ATAD2B: variants seen among roughly 807,000 people sequenced by gnomAD.
ATAD2B encodes the protein ATPase family AAA domain-containing protein 2B.
A neutral mutation model predicts 167.6 loss-of-function variants in ATAD2B; 40 were observed. The ratio of observed to expected loss-of-function variants is 0.24; its 90% CI spans 0.19 to 0.31. ATAD2B has a LOEUF of 0.31. ATAD2B is among the 10% of genes least tolerant of loss of function. The pLI is 1.00. For missense variants in ATAD2B, 1,242 were observed against 1,757.2 expected, an observed-to-expected ratio of 0.71 and a Z score of 5.24; for synonymous variants, 579 against 596.5, an observed-to-expected ratio of 0.97 and a Z score of 0.43.
At chr2:23,905,446 C>T (rs1165322231) in intron 1 of ATAD2B, among the ~76,000 whole-genome samples, 1 of 152,126 alleles carries the variant, frequency 6.6e-6, no homozygotes, top group Non-Finnish European at 1.5e-5. Context: ...ATCGCTTGAG[C>T]CAGGGAGGTC....
At position 23,749,743 on chromosome 2, in the gene ATAD2B, G is replaced by A. The variant is rs1034066183; in HGVS notation, c.*2303C>T. On this transcript the variant is annotated 3_prime_UTR_variant, in exon 28 of 28. Transcript: ENST00000238789. Reference sequence around the variant, plus strand: ...AAAAACAAACAAACAAAAGCAACTTGATCTTTTGGAAGCATTTTAATGCTG... The same window carrying A: ...AAAAACAAACAAACAAAAGCAACTTAATCTTTTGGAAGCATTTTAATGCTG... 2.0e-5 allele frequency: 3 copies of A among 152,024 alleles called. No individual in the cohort carries two copies. Among genetic ancestry groups the A allele is most frequent in the Admixed American group, 6.6e-5 (1 of 15,254 alleles). 9.4% of individuals were successfully genotyped at this position (152,024 alleles called of 1,614,324 possible).
Position 23,908,142 on chromosome 2 carries a change from G to T in ATAD2B, c.217-12172C>A, listed in dbSNP as rs1166956559. Reference sequence around the variant, plus strand: ...AACAAAAGACAAAATTGACAAATGGGATCTAATTAAACTAAAGAGCTTCTG... The same window carrying T: ...AACAAAAGACAAAATTGACAAATGGTATCTAATTAAACTAAAGAGCTTCTG... On this transcript the variant is annotated intron_variant, in intron 1 of 27. Transcript: ENST00000238789. 2.0e-5 allele frequency among the ~76,000 whole-genome samples: 3 copies of T among 152,170 alleles called. No homozygotes were observed. The Middle Eastern group carries it at 0.01, about 518-fold the overall frequency.
chr2:23,789,251 T>C (rs1681289313), intron 19 of ATAD2B, among the ~76,000 whole-genome samples: 1 of 152,130 alleles, frequency 6.6e-6, no homozygotes, highest in Non-Finnish European at 1.5e-5. Flanking sequence ...CCTCTTCTGT[T>C]TACCTACTCA....
At chr2:23,766,091 T>A (rs965242800) in intron 22 of ATAD2B, among the ~76,000 whole-genome samples, 1 of 152,146 alleles carries the variant, frequency 6.6e-6, no homozygotes, top group Non-Finnish European at 1.5e-5. Context: ...TAAAGGTGAC[T>A]TATTTTTTTT....
Position 23,750,819 on chromosome 2 carries a change from T to C in ATAD2B, c.*1227A>G, listed in dbSNP as rs1327023296. ...ATAATTAATTTCAGATACATACAAT[T>C]CACAGAAATCACTCAACAAGATTCA... On this transcript the variant is annotated 3_prime_UTR_variant, in exon 28 of 28. Coordinates refer to ENST00000238789, the MANE Select transcript of ATAD2B (RefSeq NM_017552.4). The C allele has an allele frequency of 6.6e-6, 1 of 152,138 alleles. No individual in the cohort carries two copies. Among genetic ancestry groups the C allele is most frequent in the Non-Finnish European group, 1.5e-5 (1 of 68,002 alleles). 9.4% of individuals were successfully genotyped at this position (152,138 alleles called of 1,614,324 possible).
intron 7 of ATAD2B, 109 bp from the exon 8 acceptor site, chr2:23,876,013 G>T: frequency 1.2e-6 from 1 of 836,256 alleles, no homozygotes; most frequent in Non-Finnish European, 1.9e-6. Flanking sequence ...GTTGTTTTTT[G>T]AGACAGAGTC....
At chr2:23,733,142 T>C in the ATAD2B span, among the ~76,000 whole-genome samples, 3 of 152,354 alleles carry the variant, frequency 2.0e-5, no homozygotes, top group South Asian at 6.2e-4. Context: ...TGCTCAGTTT[T>C]TTCACTTTTA....
intron 24 of ATAD2B, among the ~76,000 whole-genome samples, 198 bp from the exon 25 acceptor site, chr2:23,758,299 G>A (rs533850397): frequency 6.6e-6 from 1 of 152,280 alleles, no homozygotes; most frequent in East Asian, 1.9e-4. Context: ...GATGAACTCT[G>A]CAGAATAAAA....
rs1476581668 is a variant in ATAD2B at position 23,748,680 on chromosome 2, T to C, written c.*3366A>G. ...AGAAAGACATGTTTTTCTTGTCATC[T>C]TTATTCAAGTATTTCACAGCAGTTA... On this transcript the variant is annotated 3_prime_UTR_variant, in exon 28 of 28. Coordinates refer to ENST00000238789, the MANE Select transcript of ATAD2B (RefSeq NM_017552.4). 6.6e-6 allele frequency: 1 copy of C among 152,230 alleles called. No homozygotes were observed. Among genetic ancestry groups the C allele is most frequent in the Non-Finnish European group, 1.5e-5 (1 of 68,022 alleles). 9.4% of individuals were successfully genotyped at this position (152,230 alleles called of 1,614,324 possible). A position where few individuals can be genotyped will look rare whatever the true frequency, so the allele number is the denominator to read the frequency against.
chr2:23,770,435 A>G (rs1024266162), intron 22 of ATAD2B, among the ~76,000 whole-genome samples: 1 of 152,180 alleles, frequency 6.6e-6, no homozygotes, highest in Non-Finnish European at 1.5e-5. Context: ...TCTTATGTCC[A>G]TTATTTAAAT....
chr2:23,701,793 C>CTTTCTT, the ATAD2B span, among the ~76,000 whole-genome samples: 6 of 22,544 alleles, frequency 2.7e-4, no homozygotes, highest in African/African-American at 7.2e-4. Context: ...CTTTTTTTTG[C>CTTTCTT]TTTTTTTTTT....
chr2:23,761,016 A>AT (rs1323944724), intron 24 of ATAD2B, among the ~76,000 whole-genome samples: 1 of 152,236 alleles, frequency 6.6e-6, no homozygotes, highest in Non-Finnish European at 1.5e-5. Flanking sequence ...TTTTTAAAAT[A>AT]TTTAAAGGCA....
chr2:23,842,925 C>T (rs1249882433), intron 13 of ATAD2B, among the ~76,000 whole-genome samples: 1 of 152,050 alleles, frequency 6.6e-6, no homozygotes, highest in Non-Finnish European at 1.5e-5. Context: ...TCCAGAGTCT[C>T]CAAAAACTAA....
chr2:23,678,260 A>T, the ATAD2B span, among the ~76,000 whole-genome samples: 1 of 152,172 alleles, frequency 6.6e-6, no homozygotes, highest in African/African-American at 2.4e-5. Flanking sequence ...CCCTCGTGCC[A>T]CTTGCCGCTG....
At chr2:23,685,407 C>T in the ATAD2B span, 1 of 152,474 alleles carries the variant, frequency 6.6e-6, no homozygotes, top group Non-Finnish European at 1.5e-5. Context: ...AACGCCGCTG[C>T]TCCTCTTGCC....
chr2:23,823,276 G>C lies in ATAD2B; in HGVS notation c.2113C>G (p.Gln705Glu), dbSNP rs1159032649. ...AGAGTACCTTCTTTTTTGTCACTCT[G>C]GCTAATTTCAGCATGAGGAAACACT... ...QKVFPHAEIS[Q>E]SDKKEDIETL... Residue 705 changes from glutamine (Q) to glutamate (E), a missense_variant, in exon 16 of 28, where the codon CAG (glutamine) becomes GAG (glutamate). Physicochemically the swap from Gln to Glu is conservative, Grantham distance 29 (BLOSUM62 2). Around this residue, in one of 9 missense-constraint regions of ATAD2B, gnomAD observed 145 missense variants for 181.9 expected, o/e 0.80. Coordinates refer to ENST00000238789, the MANE Select transcript of ATAD2B (RefSeq NM_017552.4). 2.5e-6 allele frequency: 4 copies of C among 1,608,536 alleles called. No individual in the cohort carries two copies. The highest frequency in any genetic ancestry group is 3.4e-6 in the Non-Finnish European group (4 of 1,177,058).
chr2:23,923,400 A>C (rs938793875), intron 1 of ATAD2B, among the ~76,000 whole-genome samples: 1 of 152,196 alleles, frequency 6.6e-6, no homozygotes, highest in African/African-American at 2.4e-5. Flanking sequence ...AGTTCTGGAG[A>C]TCTATATAGC....
the ATAD2B span, among the ~76,000 whole-genome samples, chr2:23,719,403 T>G: frequency 6.6e-6 from 1 of 151,954 alleles, no homozygotes; most frequent in African/African-American, 2.4e-5. Flanking sequence ...ATTAAAAACT[T>G]TAAAAGAAAT....
chr2:23,751,882 G>A lies in ATAD2B; in HGVS notation c.*164C>T. 3.2e-6 allele frequency: 2 copies of A among 617,976 alleles called. No homozygotes were observed. The highest frequency in any genetic ancestry group is 5.7e-6 in the Non-Finnish European group (2 of 350,284). The allele number at this position is 617,976 out of a possible 1,614,324, so 38.3% of individuals were successfully genotyped here. The stretch of plus-strand genomic sequence containing the variant: ...GTTCTTGTAGGCTGGTTGGTTTCAG[G>A]TACCTGAGACAATAGCACCAAATTC... On this transcript the variant is annotated 3_prime_UTR_variant, in exon 28 of 28. Transcript: ENST00000238789.
Sources: allele counts gnomAD v4.1 joint callset (sites outside exome capture counted in the v4.1 genomes callset), GRCh38; gene constraint gnomAD v4.1.1; regional missense constraint gnomAD v4.1.1; transcripts MANE v1.5; gene names NCBI Gene and HGNC (gene_info 2026-07-23, HGNC 2026-07-21).